NGEF: variants seen among roughly 807,000 people sequenced by gnomAD.
NGEF encodes the protein neuronal guanine nucleotide exchange factor, also known as ephexin-1.
A neutral mutation model predicts 80.9 loss-of-function variants in NGEF; 31 were observed. The ratio of observed to expected loss-of-function variants is 0.38; its 90% confidence interval spans 0.29 to 0.52. The LOEUF is 0.52. Among genes scored for constraint, NGEF ranks in the 20% least tolerant of loss-of-function variants. The pLI is 0.84. For synonymous variants in NGEF, 371 were observed against 370.2 expected, an observed-to-expected ratio of 1.00 and a Z score of -0.03; for missense variants, 709 against 926.2, an observed-to-expected ratio of 0.77 and a Z score of 3.04.
chr2:232,893,120 A>G, intron 6 of NGEF, 70 bp from the exon 7 acceptor site: 1 of 1,507,064 alleles, frequency 6.6e-7, no homozygotes, highest in Non-Finnish European at 9.0e-7. Flanking sequence ...CACCAAGGGC[A>G]GCATGCGAGC....
intron 1 of NGEF, among the ~76,000 whole-genome samples, chr2:232,994,182 C>T (rs1694728668): frequency 6.6e-6 from 1 of 151,906 alleles, no homozygotes; most frequent in Non-Finnish European, 1.5e-5. Flanking sequence ...CCAGACTGGC[C>T]AACATGGTGA....
intron 3 of NGEF, among the ~76,000 whole-genome samples, chr2:232,949,407 C>T (rs540172978): frequency 1.8e-4 from 27 of 152,104 alleles, no homozygotes; most frequent in African/African-American, 6.0e-4. Context: ...ATCTTTACTG[C>T]TTTTCACATA....
intron 5 of NGEF, 74 bp downstream of exon 5, chr2:232,920,210 G>A: frequency 6.9e-7 from 1 of 1,455,552 alleles, no homozygotes; most frequent in Non-Finnish European, 9.3e-7. Context: ...ACCCCCCAGA[G>A]GAAGCCTCAC....
At position 232,892,835 on chromosome 2, in the gene NGEF, G is replaced by T; in HGVS notation, c.1142+63C>A. On this transcript the variant is annotated intron_variant, in intron 7 of 14. Transcript: ENST00000264051. This position sits in a 1 kb window ranked among gnomAD's most constrained non-coding sequence, Gnocchi z 4.0. ...GTCACCGTGTAAGGAGCCTGGGCCA[G>T]CACTGGTATGGCTGCCCCGGGCACC... 1 of 1,556,322 alleles carries T rather than the reference G, an allele frequency of 6.4e-7. No individual in the cohort carries two copies. Among genetic ancestry groups the T allele is most frequent in the Non-Finnish European group, 8.8e-7 (1 of 1,136,540 alleles).
chr2:232,974,158 A>G (rs2106323467), intron 2 of NGEF, among the ~76,000 whole-genome samples: 1 of 152,350 alleles, frequency 6.6e-6, no homozygotes, highest in Admixed American at 6.5e-5. Context: ...TAAAAGATTA[A>G]GAAGTCTTGC....
chr2:232,942,913 T>C (rs1693470092), intron 3 of NGEF, among the ~76,000 whole-genome samples: 1 of 149,560 alleles, frequency 6.7e-6, no homozygotes, highest in South Asian at 2.1e-4. Flanking sequence ...TCTTTTTTTT[T>C]TTTTTTTTTT....
At chr2:232,933,641 A>G (rs978720779) in intron 3 of NGEF, among the ~76,000 whole-genome samples, 1 of 152,186 alleles carries the variant, frequency 6.6e-6, no homozygotes, top group African/African-American at 2.4e-5. Context: ...TGTCCCATGC[A>G]TTTGTGAGCT....
chr2:232,977,705 C>T (rs775258825), intron 1 of NGEF, among the ~76,000 whole-genome samples: 4 of 152,088 alleles, frequency 2.6e-5, no homozygotes, highest in South Asian at 4.2e-4. Context: ...ACTGCTGGAC[C>T]GAGGAGCTCA....
At chr2:232,931,130 G>T (rs1053310657) in intron 3 of NGEF, among the ~76,000 whole-genome samples, 3 of 152,330 alleles carry the variant, frequency 2.0e-5, no homozygotes, top group South Asian at 4.1e-4. Context: ...AAGAGAACAG[G>T]AAAGAGGTGA....
intron 1 of NGEF, among the ~76,000 whole-genome samples, chr2:232,998,081 TG>T (rs1371766966): frequency 6.6e-6 from 1 of 152,142 alleles, no homozygotes; most frequent in Non-Finnish European, 1.5e-5. Context: ...AAGGTGGTGG[TG>T]GAGACAAACC....
Position 232,927,179 on chromosome 2 carries a change from A to T in NGEF, c.391T>A (p.Ser131Thr). 1 of 1,592,340 alleles carries T rather than the reference A, an allele frequency of 6.3e-7. No homozygotes were observed. The highest frequency in any genetic ancestry group is 1.1e-5 in the South Asian group (1 of 88,230). The change falls in exon 4 of 15, where the codon TCC (serine) becomes ACC (threonine). Residue 131 changes from serine (S) to threonine (T), a missense_variant. By Grantham distance (58) the Ser-to-Thr change is moderately conservative. This residue lies in a region of NGEF where 283 missense variants were observed against 303.4 expected (regional missense o/e 0.93). Coordinates refer to ENST00000264051, the MANE Select transcript of NGEF (RefSeq NM_019850.3). ...DPGAQEMSES[S>T]STPGNGATPE... Reference sequence around the variant, plus strand: ...GTGGCCCCATTTCCCGGGGTGGAGGACGACTCACTGCCAGAGAGGGAGGAG... The same window carrying T: ...GTGGCCCCATTTCCCGGGGTGGAGGTCGACTCACTGCCAGAGAGGGAGGAG...
At chr2:232,978,651 C>T (rs1694346150) in intron 1 of NGEF, among the ~76,000 whole-genome samples, 1 of 152,130 alleles carries the variant, frequency 6.6e-6, no homozygotes, top group African/African-American at 2.4e-5. Flanking sequence ...GGAAAAGTCC[C>T]CTTGTGCCTG....
At chr2:233,012,752 C>T (rs1695239959) in intron 1 of NGEF, 1 of 450,014 alleles carries the variant, frequency 2.2e-6, no homozygotes, top group Non-Finnish European at 4.5e-6. Context: ...TTATATTGCA[C>T]AGGGCCCTGC....
intron 4 of NGEF, 62 bp downstream of exon 4, chr2:232,926,982 C>G: frequency 6.2e-7 from 1 of 1,608,714 alleles, no homozygotes; most frequent in African/African-American, 1.3e-5. Flanking sequence ...CAGGAGGACC[C>G]TCAGAGTCCT....
intron 1 of NGEF, among the ~76,000 whole-genome samples, chr2:232,977,573 G>A (rs1374721242): frequency 6.6e-6 from 1 of 152,188 alleles, no homozygotes; most frequent in East Asian, 1.9e-4. Context: ...CTTGCATTGA[G>A]GCTGCTTTCA....
chr2:232,963,278 C>T (rs954395286), intron 3 of NGEF, among the ~76,000 whole-genome samples: 1 of 151,714 alleles, frequency 6.6e-6, no homozygotes, highest in African/African-American at 2.4e-5. Context: ...AAAAAAGTAC[C>T]AATGCAGCTC....
At chr2:232,988,036 C>CCTGTGTGTGTGTGTGTGT (rs1553558805) in intron 1 of NGEF, among the ~76,000 whole-genome samples, 17 of 140,262 alleles carry the variant, frequency 1.2e-4, no homozygotes, top group Admixed American at 2.2e-4. Context: ...GGGATGGTCT[C>CCTGTGTGTGTGTGTGTGT]GTGTGTGTGT....
chr2:233,002,943 G>A (rs1028039226), intron 1 of NGEF, among the ~76,000 whole-genome samples: 2 of 152,176 alleles, frequency 1.3e-5, no homozygotes, highest in Non-Finnish European at 2.9e-5. Context: ...TGAGGAGCCT[G>A]GGCCCTTCTT....
chr2:232,927,246 G>A, intron 3 of NGEF, 60 bp from the exon 4 acceptor site: 1 of 1,493,388 alleles, frequency 6.7e-7, no homozygotes. Context: ...CACCTCGGCT[G>A]GCTAGCGAGG....
Sources: gnomAD v4.1 joint callset for allele counts (sites outside exome capture counted in the v4.1 genomes callset) on GRCh38, gnomAD v4.1.1 for gene constraint, gnomAD v4.1.1 regional missense constraint, Gnocchi (gnomAD v3.1) non-coding constraint, MANE v1.5 for transcripts, NCBI Gene and HGNC (gene_info 2026-07-23, HGNC 2026-07-21) for gene names.